The following GABRB1 variants were observed in gnomAD, a reference collection of about 807,000 sequenced individuals.
The protein encoded by GABRB1 is gamma-aminobutyric acid type A receptor subunit beta1, also known as gamma-aminobutyric acid receptor subunit beta-1.
GABRB1 carries 17 observed loss-of-function variants against 51.6 expected under a neutral mutation model. The observed-to-expected ratio is 0.33, with a 90% CI of 0.23 to 0.49. GABRB1 has a LOEUF of 0.49. GABRB1 is among the 20% of genes least tolerant of loss of function. The probability of loss-of-function intolerance (pLI) is 0.99; values close to 1 mark genes in which losing one functional copy is unlikely to be tolerated. For synonymous variants in GABRB1, 247 were observed against 218.9 expected (o/e 1.13, Z -1.14); for missense variants, 410 against 600.6 (o/e 0.68, Z 3.32).
chr4:47,403,293 A>C, intron 5 of GABRB1, 25 bp from the exon 6 acceptor site: 2 of 1,611,026 alleles, frequency 1.2e-6, no homozygotes, highest in Non-Finnish European at 1.7e-6. Flanking sequence ...ACTTTGTTTA[A>C]CCGTGCTGTT....
chr4:47,392,160 C>G (rs959263135), intron 5 of GABRB1, among the ~76,000 whole-genome samples: 2 of 151,394 alleles, frequency 1.3e-5, no homozygotes, highest in Non-Finnish European at 2.9e-5. Context: ...TGCTAACATG[C>G]TTGCAGTAGA....
chr4:47,019,576 T>TCC (rs1553909501), intron 1 of GABRB1, among the ~76,000 whole-genome samples: 25 of 147,464 alleles, frequency 1.7e-4, no homozygotes, highest in African/African-American at 5.8e-4. Context: ...TCTCTCTCTC[T>TCC]CCCTCCTTCC....
chr4:47,076,250 C>G (rs894328850), intron 3 of GABRB1, among the ~76,000 whole-genome samples: 1 of 152,328 alleles, frequency 6.6e-6, no homozygotes, highest in East Asian at 1.9e-4. Flanking sequence ...CCTTCAGCCC[C>G]TGGTGGAAAT....
intron 4 of GABRB1, among the ~76,000 whole-genome samples, chr4:47,229,454 T>C (rs748361512): frequency 3.3e-5 from 5 of 152,140 alleles, no homozygotes; most frequent in Non-Finnish European, 7.4e-5. Context: ...TTATTCCTAG[T>C]AAGAAAACGA....
At position 47,058,542 on chromosome 4, in the gene GABRB1, G is replaced by A. The variant is rs148530085; in HGVS notation, c.240+26058G>A. On this transcript the variant is annotated intron_variant, in intron 3 of 8. Transcript: ENST00000295454. ...GGATATCCATGCATCCGGGCTTTTG[G>A]GGATATGATTCACATGGCAGGTGGG... is the stretch of plus-strand genomic sequence containing the variant. 1.4e-3 allele frequency among the ~76,000 whole-genome samples: 207 copies of A among 152,262 alleles called. 2 individuals carry two copies. The highest frequency in any genetic ancestry group is 3.4e-3 in the Middle Eastern group (1 of 294).
At chr4:47,266,791 G>A (rs1722658041) in intron 4 of GABRB1, among the ~76,000 whole-genome samples, 1 of 152,060 alleles carries the variant, frequency 6.6e-6, no homozygotes, top group Non-Finnish European at 1.5e-5. Flanking sequence ...TGTCTGTTGG[G>A]TCCATTTGGT....
chr4:47,353,963 T>A (rs1358568428), intron 5 of GABRB1, among the ~76,000 whole-genome samples: 1 of 151,956 alleles, frequency 6.6e-6, no homozygotes. Context: ...CACACACATT[T>A]ATCTCCCAAA....
At chr4:47,388,942 C>A (rs1263030528) in intron 5 of GABRB1, among the ~76,000 whole-genome samples, 1 of 152,118 alleles carries the variant, frequency 6.6e-6, no homozygotes, top group Non-Finnish European at 1.5e-5. Context: ...GGATACTCTC[C>A]AAGAAGATGA....
upstream of GABRB1, among the ~76,000 whole-genome samples, chr4:47,029,840 C>T (rs941439558): frequency 1.6e-4 from 24 of 152,102 alleles, no homozygotes; most frequent in African/African-American, 5.5e-4. Flanking sequence ...TCTGTGCTCT[C>T]TATTTGCTCG....
In GABRB1 at chr4:47,357,557, T is replaced by G. The variant is rs368955813; in HGVS notation, c.544+37348T>G. On this transcript the variant is annotated intron_variant, in intron 5 of 8. Transcript: ENST00000295454. ...GGTTCCACGAATCACTCACACTCAT[T>G]GCAAATGTCAAATTGGAAGTTAGTG... Among the ~76,000 whole-genome samples, 8 of 152,236 alleles carry G rather than the reference T, an allele frequency of 5.3e-5. 1 individual carries two copies. The East Asian group carries it at 1.3e-3, about 26-fold the overall frequency.
At chr4:47,021,883 T>A (rs948944552) in intron 1 of GABRB1, among the ~76,000 whole-genome samples, 1 of 152,084 alleles carries the variant, frequency 6.6e-6, no homozygotes, top group African/African-American at 2.4e-5. Flanking sequence ...AATGACTTAC[T>A]ATACAAAAAA....
chr4:47,309,738 GAAGAA>G (rs1350229914), intron 4 of GABRB1, among the ~76,000 whole-genome samples: 2 of 152,050 alleles, frequency 1.3e-5, no homozygotes, highest in Non-Finnish European at 2.9e-5. Context: ...TCAATTTTAA[GAAGAA>G]AAGAAATTAA....
chr4:47,135,268 C>T (rs916056474), intron 3 of GABRB1, among the ~76,000 whole-genome samples: 3 of 152,044 alleles, frequency 2.0e-5, no homozygotes, highest in Non-Finnish European at 2.9e-5. Flanking sequence ...TTTTGGTAAG[C>T]TTTAGGAATC....
chr4:47,386,494 A>T (rs1476593098), intron 5 of GABRB1, among the ~76,000 whole-genome samples: 3 of 152,230 alleles, frequency 2.0e-5, no homozygotes, highest in Non-Finnish European at 4.4e-5. Flanking sequence ...AGGTGTGATT[A>T]TCCTTTACTT....
At chr4:47,217,200 T>C (rs1720586634) in intron 4 of GABRB1, among the ~76,000 whole-genome samples, 2 of 151,820 alleles carry the variant, frequency 1.3e-5, no homozygotes, top group South Asian at 4.1e-4. Context: ...GTTCCAGAAA[T>C]GGAAGAATAG....
intron 5 of GABRB1, among the ~76,000 whole-genome samples, chr4:47,387,117 T>G (rs79440563): frequency 0.085 from 12,889 of 152,096 alleles, 578 homozygotes; most frequent in South Asian, 0.14. Flanking sequence ...AAAAGGCATG[T>G]TTTTCAAATT....
intron 4 of GABRB1, among the ~76,000 whole-genome samples, chr4:47,166,929 C>T (rs1718216623): frequency 6.6e-6 from 1 of 152,114 alleles, no homozygotes; most frequent in African/African-American, 2.4e-5. Context: ...AAAACTCTCT[C>T]TCATTTGATG....
At chr4:47,074,185 T>C (rs1727456584) in intron 3 of GABRB1, among the ~76,000 whole-genome samples, 2 of 152,088 alleles carry the variant, frequency 1.3e-5, no homozygotes, top group Admixed American at 1.3e-4. Context: ...AGAAAAAACA[T>C]CCCTACAAGC....
At chr4:47,313,580 C>G (rs889830823) in intron 4 of GABRB1, among the ~76,000 whole-genome samples, 1 of 152,082 alleles carries the variant, frequency 6.6e-6, no homozygotes, top group Non-Finnish European at 1.5e-5. Flanking sequence ...GAACTCTGCC[C>G]AGGGACATCT....
Sources: gnomAD v4.1 joint callset for allele counts (sites outside exome capture counted in the v4.1 genomes callset) on GRCh38, gnomAD v4.1.1 for gene constraint, MANE v1.5 for transcripts, NCBI Gene and HGNC (gene_info 2026-07-23, HGNC 2026-07-21) for gene names.